Variants in ENDOD1 observed in about 807,000 individuals in gnomAD.
ENDOD1 encodes the protein endonuclease domain containing 1.
A neutral mutation model predicts 6.5 loss-of-function variants in ENDOD1; 9 were observed. The observed-to-expected ratio is 1.39, with a 90% CI of 0.84 to 2.43. The LOEUF (loss-of-function observed/expected upper bound fraction) is 2.43, where lower values mean the gene tolerates loss of function less well. Ranked by LOEUF, ENDOD1 falls within the 30% of genes most tolerant of loss-of-function variation. The pLI is 0.00. For missense variants in ENDOD1, 648 were observed against 635.5 expected, an observed-to-expected ratio of 1.02 and a Z score of -0.21; for synonymous variants, 255 against 255.2, an observed-to-expected ratio of 1.00 and a Z score of 0.01.
At chr11:95,094,372 C>T (rs929083399) in intron 1 of ENDOD1, among the ~76,000 whole-genome samples, 5 of 152,076 alleles carry the variant, frequency 3.3e-5, no homozygotes, top group African/African-American at 1.2e-4. Context: ...AATGGATCCA[C>T]TGCGCTAATG....
chr11:95,107,626 A>G (rs1279672656), intron 1 of ENDOD1, among the ~76,000 whole-genome samples: 2 of 151,894 alleles, frequency 1.3e-5, no homozygotes, highest in Admixed American at 6.6e-5. Context: ...CTGAGAAGGT[A>G]CTGCAGTCTG....
At chr11:95,128,009 C>T (rs997465707) in intron 1 of ENDOD1, among the ~76,000 whole-genome samples, 11 of 152,206 alleles carry the variant, frequency 7.2e-5, no homozygotes, top group African/African-American at 2.7e-4. Context: ...ATCCACCCGC[C>T]TCAGCCTCCC....
intron 1 of ENDOD1, among the ~76,000 whole-genome samples, chr11:95,127,175 G>T (rs1308473343): frequency 6.6e-6 from 1 of 152,164 alleles, no homozygotes; most frequent in Non-Finnish European, 1.5e-5. Context: ...TGGGTTCTGG[G>T]GGAATATACA....
chr11:95,128,391 C>G lies in ENDOD1; in HGVS notation c.315C>G (p.Asn105Lys). 1.9e-6 allele frequency: 3 copies of G among 1,613,148 alleles called. No individual in the cohort carries two copies. Among genetic ancestry groups the G allele is most frequent in the Non-Finnish European group, 2.5e-6 (3 of 1,179,438 alleles). Residue 105 changes from asparagine to lysine, a missense_variant, in exon 2 of 2, where the codon AAC (asparagine) becomes AAG (lysine). Transcript: ENST00000278505. ...WLVEPQIDDP[N>K]SNLEEAINEA... ...TCTTCTTGCAGATCGATGACCCCAACAGCAACCTTGAGGAGGCGATTAATG... is the reference window on the plus strand; with the variant it reads ...TCTTCTTGCAGATCGATGACCCCAAGAGCAACCTTGAGGAGGCGATTAATG...
chr11:95,108,347 G>A (rs1555111618), intron 1 of ENDOD1, among the ~76,000 whole-genome samples: 1 of 152,100 alleles, frequency 6.6e-6, no homozygotes, highest in Non-Finnish European at 1.5e-5. Flanking sequence ...CTGGAAATGC[G>A]TCCTTCTTCC....
intron 1 of ENDOD1, among the ~76,000 whole-genome samples, chr11:95,123,166 G>A (rs1168621577): frequency 6.9e-6 from 1 of 145,480 alleles, no homozygotes; most frequent in Non-Finnish European, 1.5e-5. Flanking sequence ...TGCAGCCTGA[G>A]CAACAGAGCA....
intron 1 of ENDOD1, among the ~76,000 whole-genome samples, chr11:95,097,173 T>C: frequency 7.2e-6 from 1 of 139,260 alleles, no homozygotes; most frequent in African/African-American, 2.6e-5. Context: ...AAAAAAGGCA[T>C]ATTAGACAGT....
At chr11:95,099,466 G>C (rs559076705) in intron 1 of ENDOD1, among the ~76,000 whole-genome samples, 3 of 152,340 alleles carry the variant, frequency 2.0e-5, no homozygotes, top group East Asian at 3.9e-4. Flanking sequence ...ACACCCTCCA[G>C]AGCTCCGCTC....
At chr11:95,122,000 A>G (rs1228973588) in intron 1 of ENDOD1, among the ~76,000 whole-genome samples, 1 of 152,216 alleles carries the variant, frequency 6.6e-6, no homozygotes, top group Non-Finnish European at 1.5e-5. Context: ...ATGAGCAGGT[A>G]TAATCCAGAA....
intron 1 of ENDOD1, among the ~76,000 whole-genome samples, chr11:95,120,506 C>G (rs1859252846): frequency 6.6e-6 from 1 of 151,852 alleles, no homozygotes; most frequent in South Asian, 2.1e-4. Context: ...TGACCAGTGC[C>G]TTATCCTGCT....
chr11:95,104,124 C>A (rs1490728730), intron 1 of ENDOD1, among the ~76,000 whole-genome samples: 2 of 152,152 alleles, frequency 1.3e-5, no homozygotes, highest in Non-Finnish European at 2.9e-5. Context: ...GGGTTGCCCC[C>A]TCTGATCTGC....
intron 1 of ENDOD1, among the ~76,000 whole-genome samples, chr11:95,127,420 A>C (rs917966044): frequency 6.6e-6 from 1 of 152,230 alleles, no homozygotes; most frequent in African/African-American, 2.4e-5. Context: ...GTCATAGCAA[A>C]TATTGGGGAG....
intron 1 of ENDOD1, 64 bp downstream of exon 1, chr11:95,090,291 C>G: frequency 7.4e-7 from 1 of 1,347,350 alleles, no homozygotes; most frequent in African/African-American, 1.5e-5. Context: ...GACATGCCCC[C>G]AGTTGCAGCT....
chr11:95,127,618 A>T (rs1171541330), intron 1 of ENDOD1, among the ~76,000 whole-genome samples: 1 of 152,214 alleles, frequency 6.6e-6, no homozygotes, highest in Non-Finnish European at 1.5e-5. Context: ...TGCAACCAAC[A>T]TTGGTGGCTG....
intron 1 of ENDOD1, among the ~76,000 whole-genome samples, chr11:95,117,623 C>T (rs1859223958): frequency 6.6e-6 from 1 of 152,034 alleles, no homozygotes; most frequent in Non-Finnish European, 1.5e-5. Flanking sequence ...ATATCTTTTT[C>T]TATCCTTTAT....
intron 1 of ENDOD1, among the ~76,000 whole-genome samples, chr11:95,100,660 T>C (rs1340968737): frequency 6.9e-6 from 1 of 145,034 alleles, no homozygotes; most frequent in Non-Finnish European, 1.5e-5. Flanking sequence ...ATTTTATGTA[T>C]TTTTTTTTTT....
In ENDOD1 at chr11:95,131,581, C is replaced by T. The variant is rs1021823972; in HGVS notation, c.*2002C>T. ...CTATTATTCAGTTGCCTCTCTGGAC[C>T]ATGGCAAGATTTCCTCATTCATCAA... On this transcript the variant is annotated 3_prime_UTR_variant, in exon 2 of 2. Transcript: ENST00000278505. 1 of 152,218 alleles carries T rather than the reference C, an allele frequency of 6.6e-6. No homozygotes were observed. Among genetic ancestry groups the T allele is most frequent in the Non-Finnish European group, 1.5e-5 (1 of 68,050 alleles). 9.4% of individuals were successfully genotyped at this position (152,218 alleles called of 1,614,324 possible). A position where few individuals can be genotyped will look rare whatever the true frequency, so the allele number is the denominator to read the frequency against.
intron 1 of ENDOD1, among the ~76,000 whole-genome samples, chr11:95,091,034 A>G (rs1479425578): frequency 2.0e-5 from 3 of 152,128 alleles, no homozygotes; most frequent in Non-Finnish European, 2.9e-5. Flanking sequence ...AAATCGTGTC[A>G]CCTCTCATGG....
chr11:95,124,262 C>A (rs1859290489), intron 1 of ENDOD1, among the ~76,000 whole-genome samples: 1 of 152,118 alleles, frequency 6.6e-6, no homozygotes, highest in African/African-American at 2.4e-5. Context: ...AAATTTTCTT[C>A]ATCATTCTGT....
Sources: gnomAD v4.1 joint callset for allele counts (sites outside exome capture counted in the v4.1 genomes callset) on GRCh38, gnomAD v4.1.1 for gene constraint, MANE v1.5 for transcripts, NCBI Gene and HGNC (gene_info 2026-07-23, HGNC 2026-07-21) for gene names.